The following ZGRF1 variants were observed in gnomAD, a reference collection of about 807,000 sequenced individuals.
The protein encoded by ZGRF1 is zinc finger GRF-type containing 1, also known as 5'-3' DNA helicase ZGRF1.
Under a neutral mutation model 203.5 loss-of-function variants are expected in ZGRF1, and 196 were observed. The ratio of observed to expected loss-of-function variants is 0.96; its 90% CI spans 0.86 to 1.08. The LOEUF is 1.08. ZGRF1 is among the 50% of genes least tolerant of loss of function. ZGRF1 has a pLI of 0.00. For synonymous variants in ZGRF1, 809 were observed against 841.3 expected, an observed-to-expected ratio of 0.96 and a Z score of 0.66; for missense variants, 2,326 against 2,416.3, an observed-to-expected ratio of 0.96 and a Z score of 0.78.
At chr4:112,621,522 G>A (rs2047058237) in intron 4 of ZGRF1, among the ~76,000 whole-genome samples, 1 of 151,454 alleles carries the variant, frequency 6.6e-6, no homozygotes, top group Admixed American at 6.6e-5. Context: ...GTGTGGTGGT[G>A]CATGCCTGTA....
rs145611842 is a variant in ZGRF1 at position 112,573,167 on chromosome 4, TACAC to T, written c.4438+8492_4438+8495del. 5.3e-3 allele frequency among the ~76,000 whole-genome samples: 775 copies of T among 145,596 alleles called. 4 individuals are homozygous for T. Among genetic ancestry groups the T allele is most frequent in the Non-Finnish European group, 7.4e-3 (490 of 66,490 alleles). ...CAACAAGTGGATAAAGAAATTGTGA[TACAC>T]ACACACACACACACACACACACACA... On this transcript the variant is annotated intron_variant, in intron 16 of 27. Coordinates refer to ENST00000505019, the MANE Select transcript of ZGRF1 (RefSeq NM_018392.5).
chr4:112,631,246 C>T (rs953616166), intron 3 of ZGRF1, among the ~76,000 whole-genome samples: 1 of 152,166 alleles, frequency 6.6e-6, no homozygotes, highest in Admixed American at 6.5e-5. Flanking sequence ...AAGCAATCTT[C>T]CTGCCTCAGC....
chr4:112,618,734 A>G lies in ZGRF1; in HGVS notation c.1308T>C (p.Asp436=). ...CATTTTGATTAAAAGGTATTTTATT[A>G]TCTTCTTGAATGTCAGATTCTGATA... The part of the protein sequence containing the change: ...GILSESDIQE[D]NKIPFNQNDK... Residue 436 remains aspartate, a synonymous_variant, in exon 6 of 28, where the codon GAT becomes GAC. Transcript: ENST00000505019. 1 of 1,610,632 alleles carries G rather than the reference A, an allele frequency of 6.2e-7. No homozygotes were observed. The highest frequency in any genetic ancestry group is 1.1e-5 in the South Asian group (1 of 90,934).
At chr4:112,624,474 T>C (rs1384063265) in intron 3 of ZGRF1, among the ~76,000 whole-genome samples, 2 of 150,042 alleles carry the variant, frequency 1.3e-5, no homozygotes, top group African/African-American at 2.5e-5. Flanking sequence ...AAAAAAAAAA[T>C]TGGGAAGAAA....
intron 12 of ZGRF1, 111 bp from the exon 13 acceptor site, chr4:112,586,694 T>C: frequency 2.4e-6 from 2 of 840,584 alleles, no homozygotes; most frequent in Non-Finnish European, 3.3e-6. Context: ...TTCTTTTGAT[T>C]TCTAGGATCC....
intron 7 of ZGRF1, chr4:112,610,739 T>A (rs1211456526): frequency 6.5e-6 from 1 of 154,682 alleles, no homozygotes; most frequent in Non-Finnish European, 1.5e-5. Flanking sequence ...GTGTTACTTA[T>A]AATAGCAAAA....
rs138751118 is a variant in ZGRF1 at position 112,547,382 on chromosome 4, A to G, written c.5501T>C (p.Val1834Ala). 11 of 1,612,214 alleles carry G rather than the reference A, an allele frequency of 6.8e-6. No homozygotes were observed. The South Asian group carries it at 9.9e-5, about 15-fold the overall frequency. ...AGGAGGTAGCTGTTTGGGATCCCCA[A>G]CAAGAATCAGCTTTTCACACTCAAA... ...ARFECEKLIL[V>A]GDPKQLPPTI... The change falls in exon 24 of 28, where the codon GTT (valine) becomes GCT (alanine). Residue 1834 changes from valine (V) to alanine (A), a missense_variant. Val to Ala is a moderately conservative substitution (Grantham distance 64). Coordinates refer to ENST00000505019, the MANE Select transcript of ZGRF1 (RefSeq NM_018392.5).
chr4:112,575,795 G>A (rs1034237018), intron 16 of ZGRF1, among the ~76,000 whole-genome samples: 1 of 152,198 alleles, frequency 6.6e-6, no homozygotes, highest in East Asian at 1.9e-4. Flanking sequence ...CGAACTGGGT[G>A]GAGCCCACCG....
intron 22 of ZGRF1, among the ~76,000 whole-genome samples, chr4:112,552,078 G>C (rs1394815594): frequency 6.6e-6 from 1 of 152,124 alleles, no homozygotes; most frequent in Admixed American, 6.5e-5. Context: ...AGGAGTTTGA[G>C]ACCAGCCTGG....
chr4:112,552,058 A>G (rs2148854972), intron 22 of ZGRF1, among the ~76,000 whole-genome samples: 1 of 152,210 alleles, frequency 6.6e-6, no homozygotes, highest in Admixed American at 6.5e-5. Context: ...TGGGAGGATC[A>G]CTTAAGGTCA....
intron 3 of ZGRF1, chr4:112,628,632 A>T: frequency 2.2e-6 from 1 of 456,262 alleles, no homozygotes; most frequent in South Asian, 1.5e-5. Context: ...TGGAACATAG[A>T]AACTTTCAGG....
chr4:112,555,412 C>A (rs1324065587), intron 20 of ZGRF1, among the ~76,000 whole-genome samples: 1 of 152,168 alleles, frequency 6.6e-6, no homozygotes, highest in African/African-American at 2.4e-5. Context: ...AAAACTTCTA[C>A]CACCTCAAAA....
intron 6 of ZGRF1, among the ~76,000 whole-genome samples, chr4:112,617,004 G>A (rs1384460685): frequency 6.6e-6 from 1 of 152,018 alleles, no homozygotes. Flanking sequence ...AAGCATGGTG[G>A]TGCATGCCTG....
At position 112,595,580 on chromosome 4, in the gene ZGRF1, A is replaced by ATGTG. The variant is rs535521242; in HGVS notation, c.2977-5710_2977-5707dup. Among the ~76,000 whole-genome samples the ATGTG allele has an allele frequency of 7.1e-3, 1,078 of 151,312 alleles. 30 individuals are homozygous for ATGTG. In the East Asian group the frequency reaches 0.093, roughly 13 times the overall value. On this transcript the variant is annotated intron_variant, in intron 10 of 27. Coordinates refer to ENST00000505019, the MANE Select transcript of ZGRF1 (RefSeq NM_018392.5). Reference sequence around the variant, plus strand: ...TAAATATATATGTTTGTGTGTATATATGTGTGTGTGTGTGTGTATTTATAT... The same window carrying ATGTG: ...TAAATATATATGTTTGTGTGTATATATGTGTGTGTGTGTGTGTGTGTATTTATAT...
chr4:112,595,670 G>A (rs1748881207), intron 10 of ZGRF1, among the ~76,000 whole-genome samples: 2 of 152,026 alleles, frequency 1.3e-5, no homozygotes, highest in Admixed American at 1.3e-4. Context: ...TATAACATTA[G>A]AAGTCTAAGT....
At chr4:112,624,177 A>G (rs576570235) in intron 3 of ZGRF1, among the ~76,000 whole-genome samples, 3 of 151,754 alleles carry the variant, frequency 2.0e-5, no homozygotes, top group Admixed American at 6.6e-5. Flanking sequence ...AAAAAAAAAA[A>G]AAGGAATTCA....
intron 12 of ZGRF1, among the ~76,000 whole-genome samples, chr4:112,586,927 GA>G: frequency 6.6e-6 from 1 of 152,260 alleles, no homozygotes; most frequent in East Asian, 1.9e-4. Flanking sequence ...CGTGAAATAA[GA>G]TGCACCTTTA....
At chr4:112,580,826 G>A (rs1746095570) in intron 16 of ZGRF1, among the ~76,000 whole-genome samples, 1 of 152,130 alleles carries the variant, frequency 6.6e-6, no homozygotes, top group Non-Finnish European at 1.5e-5. Flanking sequence ...TTACACTGTT[G>A]GTGGGACTGT....
At chr4:112,544,148 G>A (rs934525975) in intron 24 of ZGRF1, among the ~76,000 whole-genome samples, 4 of 152,086 alleles carry the variant, frequency 2.6e-5, no homozygotes, top group East Asian at 1.9e-4. Flanking sequence ...TGAAAGCTTC[G>A]TTCTTTGCAA....
Sources: allele counts gnomAD v4.1 joint callset (sites outside exome capture counted in the v4.1 genomes callset), GRCh38; gene constraint gnomAD v4.1.1; transcripts MANE v1.5; gene names NCBI Gene and HGNC (gene_info 2026-07-23, HGNC 2026-07-21).